Variants in BANK1 observed in about 807,000 individuals in gnomAD.
BANK1 encodes B cell scaffold protein with ankyrin repeats 1.
BANK1 carries 95 observed loss-of-function variants against 94.5 expected under a neutral mutation model. That is an observed-to-expected ratio of 1.00 (90% CI 0.85 to 1.19). BANK1 has a LOEUF of 1.19. Among genes scored for constraint, BANK1 ranks in the 50% most tolerant of loss-of-function variants. The pLI, the probability that BANK1 is intolerant of heterozygous loss-of-function variation, is 0.00. For missense variants in BANK1, 987 were observed against 932.2 expected, an observed-to-expected ratio of 1.06 and a Z score of -0.77; for synonymous variants, 334 against 308.4, an observed-to-expected ratio of 1.08 and a Z score of -0.87.
chr4:101,816,515 T>A (rs1725922887), intron 1 of BANK1, among the ~76,000 whole-genome samples: 1 of 151,756 alleles, frequency 6.6e-6, no homozygotes. Flanking sequence ...GGACTGGTGC[T>A]GGCATATTTT....
At chr4:101,914,101 C>T (rs1033790959) in intron 6 of BANK1, among the ~76,000 whole-genome samples, 2 of 152,142 alleles carry the variant, frequency 1.3e-5, no homozygotes, top group Non-Finnish European at 2.9e-5. Flanking sequence ...CCAAGTTTTT[C>T]CTGTTGTTTG....
chr4:101,939,937 G>T (rs1212500486), intron 7 of BANK1, among the ~76,000 whole-genome samples: 1 of 151,702 alleles, frequency 6.6e-6, no homozygotes, highest in Non-Finnish European at 1.5e-5. Context: ...CTTTTCTGGT[G>T]CTATTCAAAT....
chr4:101,875,989 G>A (rs1040566499), intron 5 of BANK1, among the ~76,000 whole-genome samples: 2 of 152,118 alleles, frequency 1.3e-5, no homozygotes, highest in African/African-American at 4.8e-5. Flanking sequence ...GGCTCCAAAA[G>A]AGACCCCTTC....
At chr4:101,829,761 CT>C (rs1578341814) in intron 1 of BANK1, 46 bp from the exon 2 acceptor site, 2 of 1,254,232 alleles carry the variant, frequency 1.6e-6, no homozygotes, top group African/African-American at 3.1e-5. Flanking sequence ...ATAATTTAAC[CT>C]GCTGATAGCA....
intron 7 of BANK1, among the ~76,000 whole-genome samples, chr4:101,941,320 T>C (rs537891590): frequency 6.6e-6 from 1 of 151,840 alleles, no homozygotes; most frequent in East Asian, 2.0e-4. Flanking sequence ...CTCAAGGAGC[T>C]CTGATTCCTT....
intron 4 of BANK1, among the ~76,000 whole-genome samples, chr4:101,868,850 G>A (rs936775161): frequency 9.2e-5 from 14 of 151,798 alleles, no homozygotes; most frequent in African/African-American, 3.4e-4. Flanking sequence ...ATACAGTTGA[G>A]AGCAGTAATT....
intron 7 of BANK1, among the ~76,000 whole-genome samples, chr4:101,920,792 G>T (rs201037318): frequency 1.3e-5 from 2 of 151,650 alleles, no homozygotes; most frequent in African/African-American, 4.8e-5. Flanking sequence ...AGTGATTTGG[G>T]TCATCACTAA....
intron 7 of BANK1, among the ~76,000 whole-genome samples, chr4:101,976,132 A>C (rs1355700027): frequency 3.3e-5 from 5 of 152,148 alleles, no homozygotes; most frequent in Non-Finnish European, 7.4e-5. Context: ...GTTTGTCCAA[A>C]GATCTGAAGT....
intron 1 of BANK1, among the ~76,000 whole-genome samples, chr4:101,794,802 C>T (rs1421064044): frequency 6.6e-6 from 1 of 150,688 alleles, no homozygotes; most frequent in East Asian, 2.0e-4. Context: ...AGAAAGATGA[C>T]TTCCCTCTTT....
intron 7 of BANK1, among the ~76,000 whole-genome samples, chr4:101,933,312 GAA>G (rs35218054): frequency 9.5e-6 from 1 of 105,742 alleles, no homozygotes; most frequent in Admixed American, 9.1e-5. Context: ...TAAGAAAGGA[GAA>G]AAAAAAAAAA....
At chr4:101,839,454 G>T (rs968699792) in intron 2 of BANK1, among the ~76,000 whole-genome samples, 1 of 152,088 alleles carries the variant, frequency 6.6e-6, no homozygotes, top group African/African-American at 2.4e-5. Context: ...GCATCATAAT[G>T]CTACAAAATG....
chr4:101,980,431 G>C (rs913557589), intron 7 of BANK1, among the ~76,000 whole-genome samples: 2 of 151,164 alleles, frequency 1.3e-5, no homozygotes, highest in African/African-American at 4.9e-5. Context: ...ATATATATTT[G>C]AGTTATTTTT....
At chr4:101,936,305 GCATATGTACA>G (rs2148907849) in intron 7 of BANK1, among the ~76,000 whole-genome samples, 1 of 149,788 alleles carries the variant, frequency 6.7e-6, no homozygotes, top group African/African-American at 2.4e-5. Context: ...ACACATACAT[GCATATGTACA>G]CATATGTATC....
In BANK1 at chr4:101,853,816, G is replaced by A. The variant is rs78587142; in HGVS notation, c.470-1219G>A. On this transcript the variant is annotated intron_variant, in intron 2 of 16. Coordinates refer to ENST00000322953, the MANE Select transcript of BANK1 (RefSeq NM_017935.5). ...CAAACTAGGAGGAGTGGATCACACC[G>A]CGTAGAGGGCAGGAGAAATGAGATG... Among the ~76,000 whole-genome samples the A allele has an allele frequency of 4.8e-3, 731 of 152,166 alleles. 14 individuals carry two copies. In the East Asian group the frequency reaches 0.058, roughly 12 times the overall value.
At chr4:101,847,502 C>T (rs1260480381) in intron 2 of BANK1, among the ~76,000 whole-genome samples, 1 of 151,976 alleles carries the variant, frequency 6.6e-6, no homozygotes, top group Non-Finnish European at 1.5e-5. Flanking sequence ...GCAATATACA[C>T]TGCACCATAT....
chr4:102,010,391 C>CT (rs1209533993), intron 7 of BANK1, among the ~76,000 whole-genome samples: 3,741 of 130,408 alleles, frequency 0.029, 167 homozygotes, highest in African/African-American at 0.087. Context: ...TGATTAATTT[C>CT]TTTTTTTTTT....
chr4:101,955,386 C>G (rs780958917), intron 7 of BANK1, among the ~76,000 whole-genome samples: 1 of 152,152 alleles, frequency 6.6e-6, no homozygotes, highest in Non-Finnish European at 1.5e-5. Flanking sequence ...CTCAGTGTTG[C>G]TGACATAACT....
chr4:101,901,359 A>G (rs574631705), intron 6 of BANK1, among the ~76,000 whole-genome samples: 3 of 152,342 alleles, frequency 2.0e-5, no homozygotes, highest in South Asian at 4.1e-4. Context: ...TAGAGAGGAA[A>G]AAGAGCTATC....
rs3774928 is a variant in BANK1, at chr4:102,038,405, T to G, written c.1901-5434T>G. Among the ~76,000 whole-genome samples the G allele has an allele frequency of 5.8e-3, 881 of 152,290 alleles. 23 individuals carry two copies. In the East Asian group the frequency reaches 0.066, roughly 11 times the overall value. On this transcript the variant is annotated intron_variant, in intron 10 of 16. Transcript: ENST00000322953. Reference sequence around the variant, plus strand: ...AAACAAAAGAAAATTGCTCAGAATGTTACTAGAGTTATGTCCATACTTATA... The same window carrying G: ...AAACAAAAGAAAATTGCTCAGAATGGTACTAGAGTTATGTCCATACTTATA...
Sources: gnomAD v4.1 joint callset for allele counts (sites outside exome capture counted in the v4.1 genomes callset) on GRCh38, gnomAD v4.1.1 for gene constraint, MANE v1.5 for transcripts, NCBI Gene and HGNC (gene_info 2026-07-23, HGNC 2026-07-21) for gene names.